The following PCK2 variants were observed in gnomAD, a reference collection of about 807,000 sequenced individuals.
The protein encoded by PCK2 is phosphoenolpyruvate carboxykinase 2, mitochondrial.
Under a neutral mutation model 65.9 loss-of-function variants are expected in PCK2, and 56 were observed. That is an observed-to-expected ratio of 0.85 (90% confidence interval 0.69 to 1.06). The LOEUF is 1.06. Among genes scored for constraint, PCK2 ranks in the 50% least tolerant of loss-of-function variants. The pLI, the probability that PCK2 is intolerant of heterozygous loss-of-function variation, is 0.00. For synonymous variants in PCK2, 305 were observed against 319.6 expected, an observed-to-expected ratio of 0.95 and a Z score of 0.49; for missense variants, 843 against 863.1, an observed-to-expected ratio of 0.98 and a Z score of 0.29.
At chr14:24,098,106 C>G (rs2036974914) in intron 2 of PCK2, 97 bp from the exon 3 acceptor site, 1 of 993,116 alleles carries the variant, frequency 1.0e-6, no homozygotes, top group South Asian at 1.7e-5. Context: ...ATAAGGCCAA[C>G]AGAAGACCTG....
chr14:24,099,094 T>C lies in PCK2; in HGVS notation c.710T>C (p.Ile237Thr), dbSNP rs1039218637. The change falls in exon 5 of 10, where the codon ATT becomes ACT. Residue 237 changes from isoleucine to threonine, a missense_variant. By Grantham distance (89) the Ile-to-Thr change is moderately conservative. Transcript: ENST00000216780. ...QWPCNPEKTL[I>T]GHVPDQREII... Reference sequence around the variant, plus strand: ...CCGTGCAACCCAGAGAAAACCCTGATTGGCCACGTGCCCGACCAGCGGGAG... The same window carrying C: ...CCGTGCAACCCAGAGAAAACCCTGACTGGCCACGTGCCCGACCAGCGGGAG... 3.7e-6 allele frequency: 6 copies of C among 1,611,196 alleles called. No homozygotes were observed. The highest frequency in any genetic ancestry group is 1.7e-5 in the Admixed American group (1 of 59,992).
Position 24,100,000 on chromosome 14 carries a change from C to T in PCK2, c.1021C>T (p.Leu341Phe), listed in dbSNP as rs762102113. Residue 341 changes from leucine (L) to phenylalanine (F), a missense_variant, in exon 7 of 10, where the codon CTC becomes TTC. By Grantham distance (22) the Leu-to-Phe change is conservative (BLOSUM62 0). Coordinates refer to ENST00000216780, the MANE Select transcript of PCK2 (RefSeq NM_004563.4). Reference protein sequence around the residue: ...AWMRFDSEGRLRAINPENGFF... With the variant: ...AWMRFDSEGRFRAINPENGFF... ...TCTTTCACTTCTCCTAACAGGTCGA[C>T]TCCGGGCCATCAACCCTGAGAACGG... 12 of 1,614,218 alleles carry T rather than the reference C, an allele frequency of 7.4e-6. No homozygotes were observed. In the East Asian group the frequency reaches 2.5e-4, roughly 33 times the overall value.
At chr14:24,100,953 G>A (rs1264084335) in intron 7 of PCK2, among the ~76,000 whole-genome samples, 2 of 152,170 alleles carry the variant, frequency 1.3e-5, no homozygotes, top group Admixed American at 1.3e-4. Flanking sequence ...ATGGCCTTCT[G>A]CAGTCAGGCA....
chr14:24,098,410 G>A, intron 3 of PCK2, 23 bp downstream of exon 3: 2 of 1,611,526 alleles, frequency 1.2e-6, no homozygotes, highest in Non-Finnish European at 1.7e-6. Context: ...GGGGCACAGT[G>A]GCAAGGGCAC....
Position 24,094,522 on chromosome 14 carries a change from C to G in PCK2, c.29+88C>G. ...CCAGTGGCGCTCTCCTGCTCTCAGC[C>G]TCCGCCAGGTTTCCCATCCTAGGCG... On this transcript the variant is annotated intron_variant, in intron 1 of 9. Transcript: ENST00000216780. The surrounding 1 kb of genome is among the most constrained non-coding windows in gnomAD (Gnocchi z 4.1). 3 of 1,449,460 alleles carry G rather than the reference C, an allele frequency of 2.1e-6. No individual in the cohort carries two copies. In the South Asian group the frequency reaches 4.3e-5, roughly 21 times the overall value. 89.8% of individuals were successfully genotyped at this position (1,449,460 alleles called of 1,614,324 possible).
chr14:24,099,453 AT>A (rs1174239848), intron 5 of PCK2, 104 bp from the exon 6 acceptor site: 2 of 1,153,432 alleles, frequency 1.7e-6, no homozygotes, highest in African/African-American at 3.1e-5. Flanking sequence ...TATATAGTTA[AT>A]AAACATTGGT....
At position 24,094,448 on chromosome 14, in the gene PCK2, G is replaced by A. The variant is rs1298464510; in HGVS notation, c.29+14G>A. On this transcript the variant is annotated intron_variant, in intron 1 of 9. Transcript: ENST00000216780. This position sits in a 1 kb window ranked among gnomAD's most constrained non-coding sequence, Gnocchi z 4.1. ...CCCTGGCCTGCGGTGAGTGACCCCC[G>A]GCCCGGGGCCCACCCGCACCTTCCG... 9 of 1,535,128 alleles carry A rather than the reference G, an allele frequency of 5.9e-6. No individual in the cohort carries two copies. The highest frequency in any genetic ancestry group is 3.5e-6 in the Non-Finnish European group (4 of 1,147,316).
chr14:24,099,950 A>T (rs1390969551), intron 6 of PCK2, 45 bp from the exon 7 acceptor site: 1 of 1,613,938 alleles, frequency 6.2e-7, no homozygotes, highest in Non-Finnish European at 8.5e-7. Flanking sequence ...TTACATCTCA[A>T]GTTTTCCTTG....
intron 7 of PCK2, among the ~76,000 whole-genome samples, chr14:24,101,721 G>A (rs552757707): frequency 9.2e-5 from 14 of 152,224 alleles, no homozygotes; most frequent in African/African-American, 3.1e-4. Context: ...TCAGGAGTTC[G>A]AGACCAGCCT....
chr14:24,101,061 G>C (rs1006124686), intron 7 of PCK2, among the ~76,000 whole-genome samples: 28 of 152,146 alleles, frequency 1.8e-4, no homozygotes, highest in African/African-American at 6.5e-4. Context: ...GGCTGGCCTA[G>C]CAGTCACCCT....
At position 24,094,811 on chromosome 14, in the gene PCK2, G is replaced by A. The variant is rs1375043144; in HGVS notation, c.29+377G>A. ...ACGGGCTCTCAGCCAGCGCCCCAGG[G>A]TACTTCGAGAGGCAGCAGGGCCCTG... On this transcript the variant is annotated intron_variant, in intron 1 of 9. Coordinates refer to ENST00000216780, the MANE Select transcript of PCK2 (RefSeq NM_004563.4). The surrounding 1 kb of genome is among the most constrained non-coding windows in gnomAD (Gnocchi z 4.1). 1.5e-6 allele frequency: 2 copies of A among 1,342,740 alleles called. No individual in the cohort carries two copies. Among genetic ancestry groups the A allele is most frequent in the Admixed American group, 4.4e-5 (2 of 44,998 alleles). The allele number at this position is 1,342,740 out of a possible 1,614,324, so 83.2% of individuals were successfully genotyped here. A position where few individuals can be genotyped will look rare whatever the true frequency, so the allele number is the denominator to read the frequency against.
Position 24,094,994 on chromosome 14 carries a change from C to A in PCK2, c.29+560C>A. ...GGGACCTGGGCCCAGGGGAGGGAGG[C>A]AAGCAAGGTGGGAGGAGGGCGCCAA... On this transcript the variant is annotated intron_variant, in intron 1 of 9. Transcript: ENST00000216780. The surrounding 1 kb of genome is among the most constrained non-coding windows in gnomAD (Gnocchi z 4.1). 1 of 558,420 alleles carries A rather than the reference C, an allele frequency of 1.8e-6. No homozygotes were observed. The highest frequency in any genetic ancestry group is 3.0e-6 in the Non-Finnish European group (1 of 333,584). The allele number at this position is 558,420 out of a possible 1,614,324, so 34.6% of individuals were successfully genotyped here.
chr14:24,103,959 AT>A lies in PCK2; in HGVS notation c.1919del (p.Met640SerfsTer6), dbSNP rs1195661215. 1 of 1,612,156 alleles carries A rather than the reference AT, an allele frequency of 6.2e-7. No homozygotes were observed. Among genetic ancestry groups the A allele is most frequent in the African/African-American group, 1.3e-5 (1 of 74,990 alleles). Reference sequence around the variant, plus strand: ...GGCCCTGGAGAGACGTGTGCACAAAATGTGACCTGAGGCCCTAGTCTAGCAA... The same window carrying A: ...GGCCCTGGAGAGACGTGTGCACAAAAGTGACCTGAGGCCCTAGTCTAGCAA... The part of the protein sequence containing the change: ...LEALERRVHK[M>X] On this transcript the variant is annotated frameshift_variant, in exon 10 of 10. Coordinates refer to ENST00000216780, the MANE Select transcript of PCK2 (RefSeq NM_004563.4). LOFTEE classifies it high-confidence loss of function.
rs755045810 is a variant in PCK2 at position 24,104,002 on chromosome 14, C to T, written c.*38C>T. 1 of 1,481,458 alleles carries T rather than the reference C, an allele frequency of 6.8e-7. No homozygotes were observed. The highest frequency in any genetic ancestry group is 1.4e-5 in the African/African-American group (1 of 72,088). 91.8% of individuals were successfully genotyped at this position (1,481,458 alleles called of 1,614,324 possible). A position where few individuals can be genotyped will look rare whatever the true frequency, so the allele number is the denominator to read the frequency against. ...GTCTAGCAAGAGGACATAGCACCCT[C>T]ATCTGGGAATAGGGAAGGCACCTTG... is the stretch of plus-strand genomic sequence containing the variant. On this transcript the variant is annotated 3_prime_UTR_variant, in exon 10 of 10. Transcript: ENST00000216780.
In PCK2 at chr14:24,098,367, G is replaced by C; in HGVS notation, c.440G>C (p.Arg147Thr). Residue 147 changes from arginine to threonine, a missense_variant, in exon 3 of 10, where the codon AGG (arginine) becomes ACG (threonine). Transcript: ENST00000216780. ...GATTTCCAGCGAGCTGTGGATGAGA[G>C]GTTTCCAGGCTGCATGCAGGGTAAC... ...PADFQRAVDE[R>T]FPGCMQGRTM... 2 of 1,612,722 alleles carry C rather than the reference G, an allele frequency of 1.2e-6. No homozygotes were observed. Among genetic ancestry groups the C allele is most frequent in the South Asian group, 2.2e-5 (2 of 91,020 alleles).
intron 7 of PCK2, among the ~76,000 whole-genome samples, chr14:24,101,215 G>T (rs952754071): frequency 6.6e-6 from 1 of 152,168 alleles, no homozygotes; most frequent in South Asian, 2.1e-4. Context: ...TCCAGATTTG[G>T]GGGCATAACT....
At chr14:24,099,469 C>A in intron 5 of PCK2, 89 bp from the exon 6 acceptor site, 1 of 1,251,126 alleles carries the variant, frequency 8.0e-7, no homozygotes, top group Non-Finnish European at 1.1e-6. Flanking sequence ...ATTGGTCCTC[C>A]CTATTAGACC....
At chr14:24,095,255 G>A (rs1026789623) in intron 1 of PCK2, 13 of 455,324 alleles carry the variant, frequency 2.9e-5, no homozygotes, top group Non-Finnish European at 1.3e-5. Context: ...CTGCAAGAGG[G>A]TGTGGGGGCT....
rs542010714 is a variant in PCK2 at position 24,097,049 on chromosome 14, T to C, written c.187T>C (p.Cys63Arg). The C allele has an allele frequency of 1.9e-6, 3 of 1,613,090 alleles. No individual in the cohort carries two copies. The highest frequency in any genetic ancestry group is 2.5e-6 in the Non-Finnish European group (3 of 1,179,670). The change falls in exon 2 of 10, where the codon TGT becomes CGT. Residue 63 changes from cysteine to arginine, a missense_variant. Coordinates refer to ENST00000216780, the MANE Select transcript of PCK2 (RefSeq NM_004563.4). ...RLCQPEGIHI[C>R]DGTEAENTAT... Reference sequence around the variant, plus strand: ...GTGCCAACCAGAGGGCATCCACATCTGTGATGGAACTGAGGCTGAGAATAC... The same window carrying C: ...GTGCCAACCAGAGGGCATCCACATCCGTGATGGAACTGAGGCTGAGAATAC...
Sources: gnomAD v4.1 joint callset for allele counts (sites outside exome capture counted in the v4.1 genomes callset) on GRCh38, gnomAD v4.1.1 for gene constraint, Gnocchi (gnomAD v3.1) non-coding constraint, MANE v1.5 for transcripts, NCBI Gene and HGNC (gene_info 2026-07-23, HGNC 2026-07-21) for gene names.